The following SNTG2 variants were observed in gnomAD, a reference collection of about 807,000 sequenced individuals.
The protein encoded by SNTG2 is syntrophin gamma 2, also known as gamma-2-syntrophin.
A neutral mutation model predicts 70.9 loss-of-function variants in SNTG2; 74 were observed. That is an observed-to-expected ratio of 1.04 (90% CI 0.86 to 1.27). The LOEUF (loss-of-function observed/expected upper bound fraction) is 1.27. SNTG2 is among the 50% of genes most tolerant of loss of function. The probability of loss-of-function intolerance (pLI) is 0.00; values close to 1 mark genes in which losing one functional copy is unlikely to be tolerated. For missense variants in SNTG2, 717 were observed against 690.7 expected (o/e 1.04, Z -0.43); for synonymous variants, 278 against 273.8 (o/e 1.02, Z -0.15).
At chr2:1,040,525 G>A (rs542454769) in intron 1 of SNTG2, among the ~76,000 whole-genome samples, 2 of 152,334 alleles carry the variant, frequency 1.3e-5, no homozygotes, top group East Asian at 1.9e-4. Context: ...GGGAAAGTCA[G>A]TAAAGTTCAG....
intron 14 of SNTG2, among the ~76,000 whole-genome samples, chr2:1,287,037 A>G (rs1310565263): frequency 6.6e-6 from 1 of 152,144 alleles, no homozygotes; most frequent in Non-Finnish European, 1.5e-5. Flanking sequence ...CACACAGCTC[A>G]GAGACAAAGC....
intron 1 of SNTG2, among the ~76,000 whole-genome samples, chr2:1,003,071 T>C (rs188096655): frequency 2.6e-5 from 4 of 152,032 alleles, no homozygotes; most frequent in Admixed American, 2.6e-4. Flanking sequence ...ACAACCATAG[T>C]AGAATAATAG....
At chr2:1,276,359 G>T (rs1679264944) in intron 14 of SNTG2, among the ~76,000 whole-genome samples, 2 of 152,190 alleles carry the variant, frequency 1.3e-5, no homozygotes, top group African/African-American at 2.4e-5. Flanking sequence ...CAATGTATAT[G>T]GAGACTTTAA....
chr2:1,351,847 A>G (rs1319033147), intron 16 of SNTG2, among the ~76,000 whole-genome samples: 2 of 152,086 alleles, frequency 1.3e-5, no homozygotes, highest in Non-Finnish European at 2.9e-5. Flanking sequence ...CCAGCCCACG[A>G]GGCGCTTTCC....
At chr2:1,203,822 G>GA (rs986401123) in intron 8 of SNTG2, among the ~76,000 whole-genome samples, 3 of 151,776 alleles carry the variant, frequency 2.0e-5, no homozygotes, top group South Asian at 2.1e-4. Context: ...CATGTATCAT[G>GA]AAAAAAATGG....
At chr2:1,033,260 T>C (rs1000007891) in intron 1 of SNTG2, among the ~76,000 whole-genome samples, 1 of 152,178 alleles carries the variant, frequency 6.6e-6, no homozygotes. Context: ...CTGACTGCTT[T>C]TGACAGATGC....
intron 1 of SNTG2, among the ~76,000 whole-genome samples, chr2:1,002,095 C>T: frequency 6.6e-6 from 1 of 152,078 alleles, no homozygotes. Flanking sequence ...TAGCTCTCAC[C>T]ATATACGAAA....
intron 11 of SNTG2, among the ~76,000 whole-genome samples, chr2:1,240,638 G>A (rs993765672): frequency 1.1e-4 from 16 of 152,170 alleles, no homozygotes; most frequent in African/African-American, 3.9e-4. Context: ...TGCTTAGCAA[G>A]AATATTTGAA....
intron 8 of SNTG2, among the ~76,000 whole-genome samples, chr2:1,203,839 T>C (rs1410020350): frequency 6.6e-6 from 1 of 151,952 alleles, no homozygotes; most frequent in Non-Finnish European, 1.5e-5. Context: ...ATGGGGCTTA[T>C]TTCAGGAATG....
chr2:1,319,675 A>G (rs1681435723), intron 16 of SNTG2, among the ~76,000 whole-genome samples: 3 of 152,252 alleles, frequency 2.0e-5, no homozygotes, highest in African/African-American at 4.8e-5. Context: ...ACAGATGAGG[A>G]TGACAGCATT....
chr2:1,111,340 C>T (rs1299450171), intron 4 of SNTG2, among the ~76,000 whole-genome samples: 2 of 152,226 alleles, frequency 1.3e-5, no homozygotes, highest in Non-Finnish European at 2.9e-5. Flanking sequence ...TAACAAGAGG[C>T]TTCCTCCTCA....
chr2:1,313,765 T>G (rs1572966840), intron 15 of SNTG2, among the ~76,000 whole-genome samples: 1 of 152,216 alleles, frequency 6.6e-6, no homozygotes, highest in Admixed American at 6.5e-5. Flanking sequence ...GAGCCCCAAC[T>G]TGTACCTGGA....
chr2:1,077,517 G>A (rs898397436), intron 1 of SNTG2, among the ~76,000 whole-genome samples: 1 of 152,066 alleles, frequency 6.6e-6, no homozygotes, highest in African/African-American at 2.4e-5. Context: ...CAGGGTGCTC[G>A]TGTTTCCTCA....
At chr2:1,124,901 CATACCGTGTTGGGG>C (rs1269666582) in intron 4 of SNTG2, among the ~76,000 whole-genome samples, 2 of 152,120 alleles carry the variant, frequency 1.3e-5, no homozygotes, top group African/African-American at 4.8e-5. Context: ...GTCACACAAT[CATACCGTGTTGGGG>C]ATTCCTGCTA....
At chr2:990,829 A>G (rs1408705895) in intron 1 of SNTG2, among the ~76,000 whole-genome samples, 1 of 152,026 alleles carries the variant, frequency 6.6e-6, no homozygotes, top group Non-Finnish European at 1.5e-5. Flanking sequence ...TGCCGTCCTA[A>G]GTCAGAGGGA....
At chr2:1,236,167 G>A (rs1287811475) in intron 9 of SNTG2, among the ~76,000 whole-genome samples, 2 of 152,170 alleles carry the variant, frequency 1.3e-5, no homozygotes, top group Non-Finnish European at 2.9e-5. Context: ...TTTTTAGTTA[G>A]CACTTACTTT....
intron 13 of SNTG2, among the ~76,000 whole-genome samples, chr2:1,260,661 C>T (rs1678365690): frequency 6.6e-6 from 1 of 152,042 alleles, no homozygotes. Flanking sequence ...ATTCTGTTTT[C>T]GAAATTATCT....
In SNTG2 at chr2:1,093,679, T is replaced by G. The variant is rs116610565; in HGVS notation, c.211-4517T>G. On this transcript the variant is annotated intron_variant, in intron 2 of 16. Coordinates refer to ENST00000308624, the MANE Select transcript of SNTG2 (RefSeq NM_018968.4). ...ATGAGGTGGTTTTAAAATAACGATT[T>G]TTCATGGATAAAACTAACCACCTTG... 5.8e-3 allele frequency among the ~76,000 whole-genome samples: 884 copies of G among 152,348 alleles called. 9 individuals are homozygous for G. Among genetic ancestry groups the G allele is most frequent in the African/African-American group, 0.02 (834 of 41,578 alleles).
chr2:1,330,054 A>G (rs551663251), intron 16 of SNTG2, among the ~76,000 whole-genome samples: 25 of 152,282 alleles, frequency 1.6e-4, no homozygotes, highest in Non-Finnish European at 2.8e-4. Context: ...GAGGTGGGAA[A>G]GGAGGAGAGG....
Sources: gnomAD v4.1 joint callset for allele counts (sites outside exome capture counted in the v4.1 genomes callset) on GRCh38, gnomAD v4.1.1 for gene constraint, MANE v1.5 for transcripts, NCBI Gene and HGNC (gene_info 2026-07-23, HGNC 2026-07-21) for gene names.